Variants in DIS3L2 observed in about 807,000 individuals in gnomAD.
DIS3L2 encodes DIS3 like 3'-5' exoribonuclease 2.
In DIS3L2, 34 loss-of-function variants were observed where a neutral mutation model predicts 97.5. That is an observed-to-expected ratio of 0.35 (90% CI 0.27 to 0.46). The LOEUF (loss-of-function observed/expected upper bound fraction) is 0.46, where lower values mean the gene tolerates loss of function less well. Among genes scored for constraint, DIS3L2 ranks in the 20% least tolerant of loss-of-function variants. The pLI is 1.00. For synonymous variants in DIS3L2, 435 were observed against 445.2 expected, an observed-to-expected ratio of 0.98 and a Z score of 0.29; for missense variants, 1,038 against 1,146.0, an observed-to-expected ratio of 0.91 and a Z score of 1.36.
intron 14 of DIS3L2, among the ~76,000 whole-genome samples, chr2:232,323,513 A>C (rs1312492534): frequency 6.6e-6 from 1 of 152,148 alleles, no homozygotes; most frequent in African/African-American, 2.4e-5. Context: ...CCACTCACCT[A>C]TAGAAAGGCC....
intron 8 of DIS3L2, among the ~76,000 whole-genome samples, chr2:232,156,266 T>C (rs1690490644): frequency 6.6e-6 from 1 of 152,220 alleles, no homozygotes; most frequent in African/African-American, 2.4e-5. Context: ...TTTATCGTTC[T>C]TTTCTACTTA....
intron 9 of DIS3L2, among the ~76,000 whole-genome samples, chr2:232,186,362 T>C (rs977202561): frequency 6.6e-6 from 1 of 152,312 alleles, no homozygotes; most frequent in East Asian, 1.9e-4. Flanking sequence ...CCATGTCACA[T>C]AGACAATCTG....
At chr2:232,029,452 G>T (rs1413303408) in intron 4 of DIS3L2, among the ~76,000 whole-genome samples, 3 of 151,886 alleles carry the variant, frequency 2.0e-5, no homozygotes, top group Admixed American at 1.3e-4. Context: ...AAAGTGGGTT[G>T]TTTCTGAGTG....
At chr2:232,320,838 C>T (rs544636656) in intron 14 of DIS3L2, among the ~76,000 whole-genome samples, 1 of 152,318 alleles carries the variant, frequency 6.6e-6, no homozygotes, top group East Asian at 1.9e-4. Flanking sequence ...TAGGTGTTCC[C>T]CTCCCTTCCC....
At chr2:232,102,789 C>T (rs1018881504) in intron 6 of DIS3L2, among the ~76,000 whole-genome samples, 2 of 152,134 alleles carry the variant, frequency 1.3e-5, no homozygotes, top group Admixed American at 1.3e-4. Context: ...CATTGCTCAT[C>T]CCATCTTTGG....
At chr2:232,015,201 G>A (rs1694319244) in intron 2 of DIS3L2, among the ~76,000 whole-genome samples, 2 of 152,148 alleles carry the variant, frequency 1.3e-5, no homozygotes, top group Admixed American at 6.5e-5. Flanking sequence ...CTAGAAAAGT[G>A]GCAATCTTTT....
chr2:232,166,123 T>C (rs1690805084), intron 9 of DIS3L2, among the ~76,000 whole-genome samples: 2 of 145,938 alleles, frequency 1.4e-5, no homozygotes, highest in South Asian at 4.3e-4. Context: ...AATAAAATAT[T>C]AGCCAGGCAC....
At chr2:232,011,958 G>A (rs997584456) in intron 1 of DIS3L2, among the ~76,000 whole-genome samples, 1 of 152,208 alleles carries the variant, frequency 6.6e-6, no homozygotes, top group Non-Finnish European at 1.5e-5. Flanking sequence ...GCCATTGTTT[G>A]TTCATTTTCT....
intron 1 of DIS3L2, among the ~76,000 whole-genome samples, chr2:231,973,872 A>G (rs922241335): frequency 2.0e-5 from 3 of 152,148 alleles, no homozygotes; most frequent in Non-Finnish European, 4.4e-5. Flanking sequence ...ACTAATAATT[A>G]CAACAACTAT....
intron 7 of DIS3L2, among the ~76,000 whole-genome samples, chr2:232,134,871 GCACA>G (rs141691233): frequency 1.3e-4 from 20 of 149,658 alleles, no homozygotes; most frequent in African/African-American, 4.4e-4. Context: ...TTGTGTGTGC[GCACA>G]CACACACACA....
chr2:232,088,053 C>T (rs1287084869), intron 6 of DIS3L2, among the ~76,000 whole-genome samples: 1 of 152,200 alleles, frequency 6.6e-6, no homozygotes, highest in African/African-American at 2.4e-5. Flanking sequence ...ATGTAAAATT[C>T]ATATGAAAAA....
intron 5 of DIS3L2, among the ~76,000 whole-genome samples, chr2:232,070,974 G>T (rs577949890): frequency 7.9e-5 from 12 of 152,144 alleles, no homozygotes; most frequent in Non-Finnish European, 1.8e-4. Flanking sequence ...TCAAACATGG[G>T]AACAGTGTCC....
intron 13 of DIS3L2, among the ~76,000 whole-genome samples, chr2:232,289,919 T>C (rs1310677398): frequency 6.6e-6 from 1 of 152,206 alleles, no homozygotes; most frequent in Non-Finnish European, 1.5e-5. Context: ...GGTAACAGAA[T>C]TAGTATATTC....
chr2:232,211,466 G>C (rs953860670), intron 10 of DIS3L2, among the ~76,000 whole-genome samples: 1 of 152,112 alleles, frequency 6.6e-6, no homozygotes, highest in African/African-American at 2.4e-5. Flanking sequence ...CTTTTCTAAT[G>C]CCCCAGATGT....
chr2:231,971,508 C>T (rs567456069), intron 1 of DIS3L2, among the ~76,000 whole-genome samples: 3 of 152,044 alleles, frequency 2.0e-5, no homozygotes, highest in East Asian at 2.0e-4. Context: ...AGTGCAGTGG[C>T]GCCATCTCGG....
Position 232,238,636 on chromosome 2 carries a change from G to A in DIS3L2, c.1308G>A (p.Leu436=), listed in dbSNP as rs369878019. ...CCGAGAGGGCTACAAGCGTCTACTT[G>A]GTTCAAAAGGTAAAAATCCATCTCT... The part of the protein sequence containing the change: ...VAAERATSVY[L]VQKVVPMLPR... Residue 436 remains leucine, a synonymous_variant, in exon 11 of 21, where the codon TTG becomes TTA. Coordinates refer to ENST00000325385, the MANE Select transcript of DIS3L2 (RefSeq NM_152383.5). 1.4e-4 allele frequency: 229 copies of A among 1,612,546 alleles called. No individual in the cohort carries two copies. Among genetic ancestry groups the A allele is most frequent in the Non-Finnish European group, 1.7e-4 (204 of 1,179,574 alleles).
Position 232,342,300 on chromosome 2 carries a change from CATATATACAT to C in DIS3L2, c.1582-1039_1582-1030del, listed in dbSNP as rs551470159. ...ATATACACATATATGCATATATACA[CATATATACAT>C]ATATACACATAGCTTCAAATTCAGA... On this transcript the variant is annotated intron_variant, in intron 13 of 13. Transcript: ENST00000273009. Among the ~76,000 whole-genome samples, 417 of 151,854 alleles carry C rather than the reference CATATATACAT, an allele frequency of 2.7e-3. 2 individuals carry two copies. Among genetic ancestry groups the C allele is most frequent in the Non-Finnish European group, 4.7e-3 (316 of 67,932 alleles).
chr2:232,206,645 C>T (rs1313931400), intron 9 of DIS3L2, among the ~76,000 whole-genome samples: 1 of 152,174 alleles, frequency 6.6e-6, no homozygotes, highest in Non-Finnish European at 1.5e-5. Flanking sequence ...TTTGCCAATT[C>T]CTGATCAGGA....
intron 16 of DIS3L2, 76 bp from the exon 17 acceptor site, chr2:232,333,764 T>TTG: frequency 1.8e-5 from 26 of 1,444,484 alleles, no homozygotes; most frequent in Admixed American, 1.4e-4. Flanking sequence ...ACGGTGAGGC[T>TTG]GTGGGTGGTG....
Sources: gnomAD v4.1 joint callset for allele counts (sites outside exome capture counted in the v4.1 genomes callset) on GRCh38, gnomAD v4.1.1 for gene constraint, MANE v1.5 for transcripts, NCBI Gene and HGNC (gene_info 2026-07-23, HGNC 2026-07-21) for gene names.